The following SPEN variants were observed in gnomAD, a reference collection of about 807,000 sequenced individuals.
SPEN encodes msx2-interacting protein.
In SPEN, 18 loss-of-function variants were observed where a neutral mutation model predicts 269.9. That is an observed-to-expected ratio of 0.07 (90% CI 0.05 to 0.10). The LOEUF (loss-of-function observed/expected upper bound fraction) is 0.10, where lower values mean the gene tolerates loss of function less well. SPEN is among the 10% of genes least tolerant of loss of function. SPEN has a pLI of 1.00. For missense variants in SPEN, 3,822 were observed against 4,631.2 expected (o/e 0.83, Z 5.07); for synonymous variants, 1,726 against 1,765.7 (o/e 0.98, Z 0.56).
At chr1:15,854,102 G>T (rs1285325125) in intron 1 of SPEN, among the ~76,000 whole-genome samples, 1 of 152,046 alleles carries the variant, frequency 6.6e-6, no homozygotes, top group Non-Finnish European at 1.5e-5. Context: ...TGCCCGGCCT[G>T]CTTGCTTTTA....
intron 3 of SPEN, among the ~76,000 whole-genome samples, chr1:15,894,461 A>G (rs2070818945): frequency 6.6e-6 from 1 of 152,098 alleles, no homozygotes; most frequent in Non-Finnish European, 1.5e-5. Flanking sequence ...ATAATAGATT[A>G]ACAAAAACGT....
rs2071244579 is a variant in SPEN, at chr1:15,933,634, C to T, written c.7394C>T (p.Pro2465Leu). 1.2e-6 allele frequency: 2 copies of T among 1,614,128 alleles called. No homozygotes were observed. Among genetic ancestry groups the T allele is most frequent in the Non-Finnish European group, 1.7e-6 (2 of 1,180,020 alleles). Reference protein sequence around the residue: ...ESDPVTPPSDPSIPIPTLPSV... With the variant: ...ESDPVTPPSDLSIPIPTLPSV... ...GACCCGGTGACCCCACCCAGCGATC[C>T]AAGCATCCCCATACCCACACTGCCT... Residue 2465 changes from proline to leucine, a missense_variant, in exon 11 of 15, where the codon CCA (proline) becomes CTA (leucine). Pro to Leu is a moderately conservative substitution (Grantham distance 98). Transcript: ENST00000375759. The surrounding 1 kb of genome is among the most constrained non-coding windows in gnomAD (Gnocchi z 5.7).
intron 3 of SPEN, among the ~76,000 whole-genome samples, chr1:15,901,290 G>A (rs911206531): frequency 4.6e-5 from 7 of 150,696 alleles, no homozygotes; most frequent in Non-Finnish European, 8.8e-5. Context: ...ACTCCAGCCT[G>A]AGCGAAAGAG....
At chr1:15,890,174 A>G (rs992369449) in intron 3 of SPEN, among the ~76,000 whole-genome samples, 1 of 152,216 alleles carries the variant, frequency 6.6e-6, no homozygotes, top group African/African-American at 2.4e-5. Flanking sequence ...TGGAAGAGAG[A>G]TGTAGATTAG....
At chr1:15,877,738 CTTTTTTTTTTT>C (rs777782248) in intron 3 of SPEN, among the ~76,000 whole-genome samples, 8 of 106,838 alleles carry the variant, frequency 7.5e-5, no homozygotes, top group African/African-American at 1.6e-4. Context: ...TCAGCTTTCC[CTTTTTTTTTTT>C]TTTTTTTTTT....
Position 15,929,932 on chromosome 1 carries a change from A to G in SPEN, c.3692A>G (p.Asp1231Gly), listed in dbSNP as rs2071204803. The part of the protein sequence containing the change: ...DSPPSKKKRM[D>G]HVDFDICTKR... The stretch of plus-strand genomic sequence containing the variant: ...CCTCCTAGCAAAAAGAAAAGGATGG[A>G]TCATGTCGATTTTGATATCTGCACC... The change falls in exon 11 of 15, where the codon GAT becomes GGT. Residue 1231 changes from aspartate to glycine, a missense_variant. Around this residue, in one of 16 missense-constraint regions of SPEN, gnomAD observed 267 missense variants for 315.5 expected, o/e 0.85. Transcript: ENST00000375759. The surrounding 1 kb of genome is among the most constrained non-coding windows in gnomAD (Gnocchi z 5.8). The G allele has an allele frequency of 6.2e-7, 1 of 1,614,166 alleles. No individual in the cohort carries two copies. Among genetic ancestry groups the G allele is most frequent in the Non-Finnish European group, 8.5e-7 (1 of 1,180,042 alleles).
chr1:15,934,939 C>T lies in SPEN; in HGVS notation c.8699C>T (p.Ser2900Leu). Residue 2900 changes from serine to leucine, a missense_variant, in exon 11 of 15, where the codon TCG becomes TTG. By Grantham distance (145) the Ser-to-Leu change is moderately radical (BLOSUM62 -2). Transcript: ENST00000375759. The surrounding 1 kb of genome is among the most constrained non-coding windows in gnomAD (Gnocchi z 9.2). Reference sequence around the variant, plus strand: ...ACATATAATGCCTCTCCTGTGATTTCGTCTGTGAAGGCCGATAGGCCATCC... The same window carrying T: ...ACATATAATGCCTCTCCTGTGATTTTGTCTGTGAAGGCCGATAGGCCATCC... ...AQTYNASPVI[S>L]SVKADRPSLE... 1 of 1,614,090 alleles carries T rather than the reference C, an allele frequency of 6.2e-7. No homozygotes were observed. Among genetic ancestry groups the T allele is most frequent in the Non-Finnish European group, 8.5e-7 (1 of 1,180,010 alleles).
intron 3 of SPEN, among the ~76,000 whole-genome samples, chr1:15,889,250 C>T (rs1258802691): frequency 6.7e-6 from 1 of 148,268 alleles, no homozygotes; most frequent in East Asian, 2.0e-4. Flanking sequence ...GCTGCAACCT[C>T]CGCCTCCCAG....
At position 15,929,801 on chromosome 1, in the gene SPEN, C is replaced by T; in HGVS notation, c.3561C>T (p.Ala1187=). The T allele has an allele frequency of 6.2e-7, 1 of 1,614,114 alleles. No individual in the cohort carries two copies. The highest frequency in any genetic ancestry group is 8.5e-7 in the Non-Finnish European group (1 of 1,180,028). Residue 1187 remains alanine, a synonymous_variant, in exon 11 of 15, where the codon GCC becomes GCT. Transcript: ENST00000375759. The surrounding 1 kb of genome is among the most constrained non-coding windows in gnomAD (Gnocchi z 5.8). ...AACAGCAGATGGAAATGGAAATAGC[C>T]AAGTCTGAGAAGTTTGGCAGTCCTA... ...RRKQQMEMEI[A]KSEKFGSPKK...
intron 3 of SPEN, among the ~76,000 whole-genome samples, chr1:15,899,007 T>C (rs1040875144): frequency 2.0e-5 from 3 of 152,178 alleles, no homozygotes; most frequent in Non-Finnish European, 4.4e-5. Flanking sequence ...TGTACAAATA[T>C]CTAGTTGAGT....
intron 3 of SPEN, among the ~76,000 whole-genome samples, chr1:15,884,706 C>T (rs1019094495): frequency 6.8e-6 from 1 of 146,168 alleles, no homozygotes; most frequent in African/African-American, 2.6e-5. Flanking sequence ...AATTCCTTTC[C>T]TTTTCCTTTT....
Position 15,937,123 on chromosome 1 carries a change from C to A in SPEN, c.10027-40C>A. On this transcript the variant is annotated intron_variant, in intron 11 of 14. Coordinates refer to ENST00000375759, the MANE Select transcript of SPEN (RefSeq NM_015001.3). This position sits in a 1 kb window ranked among gnomAD's most constrained non-coding sequence, Gnocchi z 5.7. ...GTTGGTCTCAGGGGCTTGTGCACAA[C>A]AGACTGACTCTGTCCCTTTGCCTTC... 1 of 1,583,202 alleles carries A rather than the reference C, an allele frequency of 6.3e-7. No homozygotes were observed. The highest frequency in any genetic ancestry group is 1.2e-5 in the South Asian group (1 of 86,526).
intron 1 of SPEN, among the ~76,000 whole-genome samples, chr1:15,854,635 C>A (rs1028521667): frequency 3.9e-5 from 6 of 152,038 alleles, no homozygotes; most frequent in African/African-American, 1.4e-4. Flanking sequence ...CAGGCATGCA[C>A]CACCACACCC....
chr1:15,894,028 A>C (rs570827837), intron 3 of SPEN, among the ~76,000 whole-genome samples: 2 of 152,346 alleles, frequency 1.3e-5, no homozygotes, highest in East Asian at 3.9e-4. Flanking sequence ...CAGAAAAGGC[A>C]AAAACCTCAA....
At chr1:15,927,973 A>G in intron 10 of SPEN, 118 bp from the exon 11 acceptor site, 1 of 955,992 alleles carries the variant, frequency 1.0e-6, no homozygotes, top group Non-Finnish European at 1.5e-6. Flanking sequence ...CATTTCACAA[A>G]TGATTAAATA....
chr1:15,938,565 C>CTG, intron 13 of SPEN, 153 bp from the exon 14 acceptor site: 1 of 238,294 alleles, frequency 4.2e-6, no homozygotes, highest in Non-Finnish European at 7.3e-6. Flanking sequence ...TGAAAAAAAG[C>CTG]TTTTTTTTTT....
intron 1 of SPEN, among the ~76,000 whole-genome samples, chr1:15,856,820 G>A (rs2070393006): frequency 2.0e-5 from 3 of 151,984 alleles, no homozygotes; most frequent in Middle Eastern, 3.4e-3. Flanking sequence ...CGCCCACCTC[G>A]ACTTTACAAT....
chr1:15,926,374 G>GAT (rs1449005960), intron 10 of SPEN, among the ~76,000 whole-genome samples: 4 of 145,108 alleles, frequency 2.8e-5, no homozygotes, highest in Non-Finnish European at 3.0e-5. Flanking sequence ...CTCCAGCTCA[G>GAT]ATATATACAT....
intron 1 of SPEN, among the ~76,000 whole-genome samples, chr1:15,857,513 C>T (rs560774373): frequency 6.6e-6 from 1 of 151,586 alleles, no homozygotes; most frequent in Non-Finnish European, 1.5e-5. Context: ...TGTGCTACCA[C>T]GCCCAGCTAG....
Sources: allele counts gnomAD v4.1 joint callset (sites outside exome capture counted in the v4.1 genomes callset), GRCh38; gene constraint gnomAD v4.1.1; regional missense constraint gnomAD v4.1.1; non-coding constraint Gnocchi (gnomAD v3.1); transcripts MANE v1.5; gene names NCBI Gene and HGNC (gene_info 2026-07-23, HGNC 2026-07-21).